RBM46: variants seen among roughly 807,000 people sequenced by gnomAD.
RBM46 encodes the protein RNA binding motif protein 46.
RBM46 carries 12 observed loss-of-function variants against 43.3 expected under a neutral mutation model. That is an observed-to-expected ratio of 0.28 (90% CI 0.18 to 0.45). The LOEUF (loss-of-function observed/expected upper bound fraction) is 0.45, where lower values mean the gene tolerates loss of function less well. Among genes scored for constraint, RBM46 ranks in the 20% least tolerant of loss-of-function variants. RBM46 has a pLI of 1.00. For missense variants in RBM46, 412 were observed against 639.1 expected (o/e 0.64, Z 3.83); for synonymous variants, 205 against 207.6 (o/e 0.99, Z 0.11).
intron 3 of RBM46, 78 bp from the exon 4 acceptor site, chr4:154,798,704 G>C (rs1272301225): frequency 8.8e-7 from 1 of 1,140,422 alleles, no homozygotes; most frequent in Admixed American, 3.6e-5. Context: ...TGCTTCTCTG[G>C]GGAAACAGTT....
chr4:154,781,462 G>T (rs1050648774), intron 1 of RBM46, 26 bp downstream of exon 1: 1 of 152,342 alleles, frequency 6.6e-6, no homozygotes, highest in Non-Finnish European at 1.5e-5. Context: ...GGGAAACGGG[G>T]TCACTACCAG....
intron 1 of RBM46, among the ~76,000 whole-genome samples, chr4:154,788,511 A>G (rs1733905585): frequency 6.6e-6 from 1 of 151,948 alleles, no homozygotes; most frequent in Admixed American, 6.6e-5. Context: ...GTGTGGTATT[A>G]TTTCTGAGGG....
chr4:154,813,650 T>TA lies in RBM46; in HGVS notation c.1402+14087dup, dbSNP rs1172112289. ...TCACAAATAGGAAATGTCAGTCGCT[T>TA]ATTGTATGTTATTTCTAATCTTAGT... On this transcript the variant is annotated intron_variant, in intron 4 of 4. Coordinates refer to ENST00000281722, the MANE Select transcript of RBM46 (RefSeq NM_144979.5). Among the ~76,000 whole-genome samples the TA allele has an allele frequency of 2.6e-5, 4 of 152,192 alleles. No individual in the cohort carries two copies. The Middle Eastern group carries it at 0.01, about 388-fold the overall frequency.
chr4:154,795,064 C>G (rs1349338984), intron 1 of RBM46, among the ~76,000 whole-genome samples: 4 of 152,132 alleles, frequency 2.6e-5, no homozygotes, highest in African/African-American at 9.7e-5. Context: ...AATTTGCAGG[C>G]TCTGCTGTGC....
chr4:154,801,952 A>G (rs1465769353), intron 4 of RBM46, among the ~76,000 whole-genome samples: 1 of 152,244 alleles, frequency 6.6e-6, no homozygotes, highest in East Asian at 1.9e-4. Context: ...TTAGTCATCT[A>G]TTCCAGATTT....
At chr4:154,796,530 A>G (rs1393669815) in intron 1 of RBM46, among the ~76,000 whole-genome samples, 1 of 151,980 alleles carries the variant, frequency 6.6e-6, no homozygotes, top group African/African-American at 2.4e-5. Context: ...TAGGCCTTCT[A>G]AAGGTACTGC....
intron 4 of RBM46, among the ~76,000 whole-genome samples, chr4:154,815,258 C>A (rs137973304): frequency 1.3e-5 from 2 of 152,066 alleles, no homozygotes; most frequent in East Asian, 3.9e-4. Context: ...CAGTTTGGGG[C>A]TGTTTGAATA....
chr4:154,802,669 G>A (rs1007682450), intron 4 of RBM46, among the ~76,000 whole-genome samples: 4 of 142,870 alleles, frequency 2.8e-5, no homozygotes, highest in South Asian at 4.6e-4. Flanking sequence ...TTTCTCAAAC[G>A]AAGTTCCTTA....
intron 4 of RBM46, among the ~76,000 whole-genome samples, chr4:154,810,402 C>T (rs868353542): frequency 2.0e-5 from 3 of 152,186 alleles, no homozygotes; most frequent in Middle Eastern, 3.4e-3. Context: ...AGCTTGGAAA[C>T]GCCATAATAT....
At chr4:154,795,383 T>C (rs1223677973) in intron 1 of RBM46, among the ~76,000 whole-genome samples, 1 of 152,222 alleles carries the variant, frequency 6.6e-6, no homozygotes, top group Admixed American at 6.5e-5. Context: ...TAGCTCTTTA[T>C]GATGTATTGC....
At chr4:154,827,223 A>G in intron 4 of RBM46, 1 of 905,754 alleles carries the variant, frequency 1.1e-6, no homozygotes, top group Non-Finnish European at 1.3e-6. Flanking sequence ...CTATAAGTTG[A>G]TAATGGTTTT....
intron 4 of RBM46, among the ~76,000 whole-genome samples, chr4:154,799,885 G>T (rs547072215): frequency 6.6e-6 from 1 of 150,454 alleles, no homozygotes; most frequent in African/African-American, 2.4e-5. Flanking sequence ...TCAGCCTCCC[G>T]CGTAGCTGGG....
At chr4:154,812,908 A>G (rs541125487) in intron 4 of RBM46, among the ~76,000 whole-genome samples, 129 of 152,292 alleles carry the variant, frequency 8.5e-4, no homozygotes, top group African/African-American at 2.9e-3. Flanking sequence ...TTAAGCTGTT[A>G]TTGGACATAG....
intron 1 of RBM46, chr4:154,781,703 C>A (rs990589173): frequency 6.6e-6 from 1 of 152,510 alleles, no homozygotes; most frequent in African/African-American, 2.4e-5. Context: ...CTCTTTGGGG[C>A]GTCTGGCGGC....
At position 154,828,378 on chromosome 4, in the gene RBM46, T is replaced by C. The variant is rs1736065952; in HGVS notation, c.*311T>C. The C allele has an allele frequency of 1.5e-5, 4 of 270,426 alleles. 1 individual carries two copies. In the South Asian group the frequency reaches 2.1e-4, roughly 14 times the overall value. The allele number at this position is 270,426 out of a possible 1,614,324, so 16.8% of individuals were successfully genotyped here. The stretch of plus-strand genomic sequence containing the variant: ...AGAACCTAGTCATTTATGTTTTTTT[T>C]TTTTTTTGCATAATTTTACTAAATA... On this transcript the variant is annotated 3_prime_UTR_variant, in exon 5 of 5. Transcript: ENST00000281722.
rs923305289 is a variant in RBM46 at position 154,781,413 on chromosome 4, A to T, written c.-35A>T. ...TGGTCGTTGGGCCCCGGGATTTAGGACCAACATTTGAAGACCCGAAGGGGT... is the reference window on the plus strand; with the variant it reads ...TGGTCGTTGGGCCCCGGGATTTAGGTCCAACATTTGAAGACCCGAAGGGGT... On this transcript the variant is annotated 5_prime_UTR_variant, in exon 1 of 5. Coordinates refer to ENST00000281722, the MANE Select transcript of RBM46 (RefSeq NM_144979.5). 26 of 152,344 alleles carry T rather than the reference A, an allele frequency of 1.7e-4. No individual in the cohort carries two copies. The highest frequency in any genetic ancestry group is 1.6e-3 in the Admixed American group (25 of 15,302). The allele number at this position is 152,344 out of a possible 1,614,324, so 9.4% of individuals were successfully genotyped here.
At chr4:154,790,503 A>T (rs963885869) in intron 1 of RBM46, 1 of 152,184 alleles carries the variant, frequency 6.6e-6, no homozygotes, top group Non-Finnish European at 1.5e-5. Context: ...ATAAATTTTT[A>T]AAAAAAGCAA....
intron 4 of RBM46, chr4:154,827,618 T>C (rs1736025985): frequency 3.1e-5 from 39 of 1,251,592 alleles, no homozygotes; most frequent in Non-Finnish European, 3.7e-5. Context: ...ATAGTAGATA[T>C]CCAAGAATTC....
At chr4:154,826,633 C>T (rs1410573719) in intron 4 of RBM46, 3 of 616,486 alleles carry the variant, frequency 4.9e-6, no homozygotes, top group African/African-American at 3.7e-5. Flanking sequence ...GAACAGATCG[C>T]TTTGTTGATC....
Sources: gnomAD v4.1 joint callset for allele counts (sites outside exome capture counted in the v4.1 genomes callset) on GRCh38, gnomAD v4.1.1 for gene constraint, MANE v1.5 for transcripts, NCBI Gene and HGNC (gene_info 2026-07-23, HGNC 2026-07-21) for gene names.